HEATR9: variants seen among roughly 807,000 people sequenced by gnomAD.
HEATR9 encodes HEAT repeat containing 9, also known as protein HEATR9.
HEATR9 carries 54 observed loss-of-function variants against 68.2 expected under a neutral mutation model. The observed-to-expected ratio is 0.79, with a 90% confidence interval of 0.64 to 0.99. The LOEUF is 0.99. Among genes scored for constraint, HEATR9 ranks in the 50% least tolerant of loss-of-function variants. The probability of loss-of-function intolerance (pLI) is 0.00; values close to 1 mark genes in which losing one functional copy is unlikely to be tolerated. For missense variants in HEATR9, 662 were observed against 679.7 expected, an observed-to-expected ratio of 0.97 and a Z score of 0.29; for synonymous variants, 241 against 253.5, an observed-to-expected ratio of 0.95 and a Z score of 0.47.
chr17:35,868,049 G>A (rs2088271584), intron 1 of HEATR9, among the ~76,000 whole-genome samples: 1 of 152,188 alleles, frequency 6.6e-6, no homozygotes, highest in Non-Finnish European at 1.5e-5. Flanking sequence ...CCAAAGTGCT[G>A]GGATTAGAGG....
intron 8 of HEATR9, 21 bp from the exon 9 acceptor site, chr17:35,859,091 C>G: frequency 6.2e-7 from 1 of 1,610,592 alleles, no homozygotes; most frequent in Non-Finnish European, 8.5e-7. Flanking sequence ...GACAAAATGG[C>G]TAAGGGGAGG....
Position 35,858,987 on chromosome 17 carries a change from C to G in HEATR9, c.840G>C (p.Glu280Asp). ...IKKSSSEASL[E>D]AALCLGFLRP... ...TCAGGAAACCCAGGCACAGGGCTGC[C>G]TCCAGAGATGCTTCACTGGACGACT... Residue 280 changes from glutamate to aspartate, a missense_variant, in exon 9 of 15, where the codon GAG becomes GAC. Coordinates refer to ENST00000604834, the MANE Select transcript of HEATR9 (RefSeq NM_152781.4). The G allele has an allele frequency of 6.2e-7, 1 of 1,614,218 alleles. No individual in the cohort carries two copies. Among genetic ancestry groups the G allele is most frequent in the Non-Finnish European group, 8.5e-7 (1 of 1,180,050 alleles).
chr17:35,860,391 CAA>C (rs1291619732), intron 8 of HEATR9, among the ~76,000 whole-genome samples: 4 of 56,806 alleles, frequency 7.0e-5, no homozygotes, highest in Admixed American at 2.1e-4. Flanking sequence ...GACTCCGTCT[CAA>C]AAAAAAAAAA....
chr17:35,858,397 C>T (rs770217214), intron 10 of HEATR9, 36 bp downstream of exon 10: 12 of 1,613,738 alleles, frequency 7.4e-6, no homozygotes, highest in Non-Finnish European at 1.0e-5. Flanking sequence ...TATCCTAGTG[C>T]CGGGAAAGGA....
intron 12 of HEATR9, 127 bp from the exon 13 acceptor site, chr17:35,856,351 CTT>C: frequency 1.2e-6 from 2 of 1,600,968 alleles, no homozygotes; most frequent in East Asian, 2.3e-5. Context: ...ATTTCCTTCT[CTT>C]GTTTCTTGGA....
At chr17:35,868,023 C>T (rs766756647) in intron 1 of HEATR9, among the ~76,000 whole-genome samples, 21 of 152,140 alleles carry the variant, frequency 1.4e-4, no homozygotes, top group Admixed American at 5.2e-4. Flanking sequence ...TCAAGTGATC[C>T]GCCCGCTTTG....
intron 8 of HEATR9, among the ~76,000 whole-genome samples, chr17:35,861,953 G>A (rs1328483248): frequency 6.6e-6 from 1 of 151,800 alleles, no homozygotes; most frequent in African/African-American, 2.4e-5. Flanking sequence ...CTGCCTCCTG[G>A]GTTCAAGCAT....
chr17:35,857,481 C>T (rs1014284948), intron 11 of HEATR9, among the ~76,000 whole-genome samples: 3 of 152,064 alleles, frequency 2.0e-5, no homozygotes, highest in Non-Finnish European at 4.4e-5. Flanking sequence ...CACCTAGGGC[C>T]GGGCGCAGTG....
chr17:35,863,265 C>G, intron 7 of HEATR9, 140 bp from the exon 8 acceptor site: 1 of 1,191,408 alleles, frequency 8.4e-7, no homozygotes, highest in Non-Finnish European at 1.2e-6. Flanking sequence ...TCCCAGGATA[C>G]CAGGGCAGCT....
In HEATR9 at chr17:35,868,790, G is replaced by A. The variant is rs2088301689; in HGVS notation, c.-48C>T. Reference sequence around the variant, plus strand: ...AGGGAACCTGCAGGGGGGAATACAAGGCTTTTAGGGGAGTGGGGGCACAGC... The same window carrying A: ...AGGGAACCTGCAGGGGGGAATACAAAGCTTTTAGGGGAGTGGGGGCACAGC... On this transcript the variant is annotated 5_prime_UTR_variant, in exon 1 of 15. Coordinates refer to ENST00000604834, the MANE Select transcript of HEATR9 (RefSeq NM_152781.4). 2 of 1,557,778 alleles carry A rather than the reference G, an allele frequency of 1.3e-6. No homozygotes were observed. Among genetic ancestry groups the A allele is most frequent in the East Asian group, 2.2e-5 (1 of 44,624 alleles).
In HEATR9 at chr17:35,862,983, C is replaced by T. The variant is rs1164241377; in HGVS notation, c.756+12G>A. 3 of 1,614,086 alleles carry T rather than the reference C, an allele frequency of 1.9e-6. No individual in the cohort carries two copies. Among genetic ancestry groups the T allele is most frequent in the Non-Finnish European group, 2.5e-6 (3 of 1,180,050 alleles). On this transcript the variant is annotated intron_variant, in intron 8 of 14. Transcript: ENST00000604834. ...AGCTTTGCCCCCAATTAAAGACTGTCCTCCCAATCACCTTGTCTTTAGAGA... is the reference window on the plus strand; with the variant it reads ...AGCTTTGCCCCCAATTAAAGACTGTTCTCCCAATCACCTTGTCTTTAGAGA...
intron 7 of HEATR9, among the ~76,000 whole-genome samples, 173 bp from the exon 8 acceptor site, chr17:35,863,298 A>G (rs1418225849): frequency 1.3e-5 from 2 of 152,176 alleles, no homozygotes; most frequent in Non-Finnish European, 2.9e-5. Flanking sequence ...ACACTATTCC[A>G]AGAGCCCTCC....
chr17:35,864,172 C>T (rs759573747), intron 6 of HEATR9, 74 bp downstream of exon 6: 11 of 1,307,778 alleles, frequency 8.4e-6, no homozygotes, highest in South Asian at 6.0e-5. Flanking sequence ...CGGGGAGCCT[C>T]GTCTGTGCCC....
At position 35,860,261 on chromosome 17, in the gene HEATR9, A is replaced by G. The variant is rs2087931993; in HGVS notation, c.757-1191T>C. 4.7e-5 allele frequency among the ~76,000 whole-genome samples: 7 copies of G among 150,176 alleles called. No homozygotes were observed. In the South Asian group the frequency reaches 1.5e-3, roughly 32 times the overall value. ...AAAAAAATTAGCTGGGCGCAGTGGC[A>G]GCCGCCTGTAGTCCCAGCTACTCGG... is the stretch of plus-strand genomic sequence containing the variant. On this transcript the variant is annotated intron_variant, in intron 8 of 14. Coordinates refer to ENST00000604834, the MANE Select transcript of HEATR9 (RefSeq NM_152781.4).
intron 14 of HEATR9, 101 bp downstream of exon 14, chr17:35,855,563 C>A: frequency 7.6e-7 from 1 of 1,322,964 alleles, no homozygotes; most frequent in Non-Finnish European, 1.1e-6. Flanking sequence ...GGGCTCATGA[C>A]CCTCTCCTCC....
At chr17:35,864,225 T>C (rs752184412) in intron 6 of HEATR9, 21 bp downstream of exon 6, 1 of 1,597,422 alleles carries the variant, frequency 6.3e-7, no homozygotes, top group South Asian at 1.1e-5. Flanking sequence ...TTTCCTGAAC[T>C]CCAGCAGTTC....
intron 2 of HEATR9, 35 bp downstream of exon 2, chr17:35,866,689 A>G (rs757166443): frequency 1.9e-5 from 30 of 1,598,940 alleles, no homozygotes; most frequent in Non-Finnish European, 1.0e-5. Flanking sequence ...TAACTTTGAT[A>G]CAGCTCCCAG....
Position 35,855,244 on chromosome 17 carries a change from A to C in HEATR9, c.1532T>G (p.Phe511Cys). 1.2e-6 allele frequency: 2 copies of C among 1,614,154 alleles called. No individual in the cohort carries two copies. The highest frequency in any genetic ancestry group is 1.7e-6 in the Non-Finnish European group (2 of 1,180,024). The stretch of plus-strand genomic sequence containing the variant: ...CAAGGGGTTCAGCTTTGCAAGTCGA[A>C]AGTCTTGAATAGTTAACTCTTCTGG... ...ENPEELTIQD[F>C]RLAKLNPLFI... is the part of the protein sequence containing the mutation. Residue 511 changes from phenylalanine (F) to cysteine (C), a missense_variant, in exon 15 of 15, where the codon TTT becomes TGT. Physicochemically the swap from Phe to Cys is radical, Grantham distance 205. Coordinates refer to ENST00000604834, the MANE Select transcript of HEATR9 (RefSeq NM_152781.4).
At chr17:35,858,383 A>C (rs770568908) in intron 10 of HEATR9, 50 bp downstream of exon 10, 9 of 1,613,758 alleles carry the variant, frequency 5.6e-6, no homozygotes, top group Non-Finnish European at 7.6e-6. Flanking sequence ...TCATCCCCTA[A>C]CCCTATCCTA....
Sources: gnomAD v4.1 joint callset for allele counts (sites outside exome capture counted in the v4.1 genomes callset) on GRCh38, gnomAD v4.1.1 for gene constraint, MANE v1.5 for transcripts, NCBI Gene and HGNC (gene_info 2026-07-23, HGNC 2026-07-21) for gene names.